Variants in FAM81A observed in about 807,000 individuals in gnomAD.
The protein encoded by FAM81A is family with sequence similarity 81 member A.
A neutral mutation model predicts 46.7 loss-of-function variants in FAM81A; 19 were observed. The ratio of observed to expected loss-of-function variants is 0.41; its 90% CI spans 0.28 to 0.60. The LOEUF is 0.60. FAM81A is among the 20% of genes least tolerant of loss of function. The pLI, the probability that FAM81A is intolerant of heterozygous loss-of-function variation, is 0.34. For missense variants in FAM81A, 377 were observed against 453.5 expected (o/e 0.83, Z 1.53); for synonymous variants, 183 against 152.9 (o/e 1.20, Z -1.45).
intron 7 of FAM81A, among the ~76,000 whole-genome samples, chr15:59,515,672 T>C (rs1286178014): frequency 6.6e-6 from 1 of 152,138 alleles, no homozygotes; most frequent in Non-Finnish European, 1.5e-5. Flanking sequence ...AATATGTTCT[T>C]TTAAGTATTT....
intron 3 of FAM81A, among the ~76,000 whole-genome samples, chr15:59,490,470 A>G (rs1378956220): frequency 6.6e-6 from 1 of 152,218 alleles, no homozygotes; most frequent in African/African-American, 2.4e-5. Context: ...AGACATAGAA[A>G]TGGCAAACAC....
rs544884944 is a variant in FAM81A at position 59,407,795 on chromosome 15, C to T, written c.-78+5437C>T. 85 of 234,204 alleles carry T rather than the reference C, an allele frequency of 3.6e-4. 1 individual carries two copies. The highest frequency in any genetic ancestry group is 1.9e-3 in the African/African-American group (82 of 42,556). 14.5% of individuals were successfully genotyped at this position (234,204 alleles called of 1,614,324 possible). On this transcript the variant is annotated intron_variant, in intron 2 of 4. Coordinates refer to the FAM81A transcript ENST00000558348. ...TCCCCTTTGCTGGCAGCTTTCTTCT[C>T]AGTCCAGGCCAGCAGCCTCTGCTTC...
chr15:59,421,981 A>G (rs1269018280), intron 2 of FAM81A, among the ~76,000 whole-genome samples: 6 of 152,118 alleles, frequency 3.9e-5, no homozygotes, highest in Non-Finnish European at 7.3e-5. Flanking sequence ...AAAGGAAAAG[A>G]AAGTTCATAT....
intron 1 of FAM81A, among the ~76,000 whole-genome samples, chr15:59,441,150 C>T (rs577189663): frequency 1.3e-5 from 2 of 152,234 alleles, no homozygotes; most frequent in Non-Finnish European, 2.9e-5. Flanking sequence ...ATTCTCTGGA[C>T]TTGATTCCTT....
chr15:59,459,843 T>G (rs1373316809), intron 2 of FAM81A, 90 bp from the exon 3 acceptor site: 3 of 1,444,428 alleles, frequency 2.1e-6, no homozygotes, highest in African/African-American at 1.4e-5. Flanking sequence ...TATAGATAAT[T>G]TGTATTTCCA....
intron 2 of FAM81A, 67 bp downstream of exon 2, chr15:59,458,713 T>C: frequency 6.9e-7 from 1 of 1,452,000 alleles, no homozygotes. Context: ...AAATCAAAGC[T>C]TGGGCTGTTA....
chr15:59,432,288 C>T lies in FAM81A; in HGVS notation c.-77-26262C>T, dbSNP rs1459803461. On this transcript the variant is annotated intron_variant, in intron 2 of 4. Transcript: ENST00000558348. ...TTATCTGGGTAAGTACACGAATCTT[C>T]ACTCCTTTGCTAGTGCAGACCTGAG... 2.4e-4 allele frequency among the ~76,000 whole-genome samples: 37 copies of T among 152,248 alleles called. 1 individual carries two copies. Among genetic ancestry groups the T allele is most frequent in the Admixed American group, 2.4e-3 (36 of 15,288 alleles).
chr15:59,440,976 G>C (rs74946525), intron 1 of FAM81A, among the ~76,000 whole-genome samples: 1 of 152,128 alleles, frequency 6.6e-6, no homozygotes, highest in Non-Finnish European at 1.5e-5. Context: ...GAAAATTTAC[G>C]TTGGCTCTAA....
intron 7 of FAM81A, 69 bp downstream of exon 7, chr15:59,514,493 A>T (rs534932798): frequency 4.0e-4 from 603 of 1,497,940 alleles, no homozygotes; most frequent in Non-Finnish European, 5.2e-4. Flanking sequence ...TTGAATAATA[A>T]TACCTAGTAA....
At chr15:59,520,848 G>C (rs1349149079) in intron 8 of FAM81A, among the ~76,000 whole-genome samples, 1 of 152,220 alleles carries the variant, frequency 6.6e-6, no homozygotes, top group Non-Finnish European at 1.5e-5. Context: ...ACTGGCATGA[G>C]CCACCGTACC....
intron 3 of FAM81A, among the ~76,000 whole-genome samples, chr15:59,461,349 A>T (rs2081548955): frequency 6.6e-6 from 1 of 152,126 alleles, no homozygotes; most frequent in African/African-American, 2.4e-5. Flanking sequence ...GCAGTTGTGC[A>T]ATCATGGCTC....
intron 3 of FAM81A, among the ~76,000 whole-genome samples, chr15:59,466,109 T>C (rs796484418): frequency 1.3e-5 from 2 of 152,380 alleles, no homozygotes; most frequent in African/African-American, 4.8e-5. Context: ...AGTCTATCAC[T>C]GATGGACATT....
chr15:59,508,006 T>G (rs2082167455), intron 5 of FAM81A, among the ~76,000 whole-genome samples: 1 of 152,242 alleles, frequency 6.6e-6, no homozygotes, highest in Non-Finnish European at 1.5e-5. Context: ...CTGGTTAACT[T>G]ACTGGATTAA....
intron 2 of FAM81A, chr15:59,408,050 C>T (rs770028753): frequency 1.0e-4 from 17 of 167,544 alleles, no homozygotes; most frequent in Middle Eastern, 2.7e-3. Context: ...GATTCTTAGG[C>T]CTTTTCTCCA....
At chr15:59,476,580 G>A (rs2081771732) in intron 3 of FAM81A, among the ~76,000 whole-genome samples, 1 of 152,194 alleles carries the variant, frequency 6.6e-6, no homozygotes. Flanking sequence ...GAGGTCAGGA[G>A]TTCGAGACCA....
intron 2 of FAM81A, among the ~76,000 whole-genome samples, chr15:59,431,733 C>A (rs2081221379): frequency 6.6e-6 from 1 of 152,196 alleles, no homozygotes; most frequent in South Asian, 2.1e-4. Flanking sequence ...CAAGCACATA[C>A]AGATAGTTTC....
chr15:59,475,326 GA>G (rs2081752795), intron 3 of FAM81A, among the ~76,000 whole-genome samples: 2 of 152,020 alleles, frequency 1.3e-5, no homozygotes, highest in African/African-American at 4.8e-5. Context: ...TATTTTTGTA[GA>G]GACAGGGTTT....
upstream of FAM81A, among the ~76,000 whole-genome samples, chr15:59,434,292 G>A (rs114886858): frequency 6.3e-3 from 962 of 152,244 alleles, 13 homozygotes; most frequent in African/African-American, 0.022. Flanking sequence ...TAAATATGCA[G>A]AGACTATTTT....
At chr15:59,458,105 G>A (rs1231723325) in intron 1 of FAM81A, among the ~76,000 whole-genome samples, 2 of 152,148 alleles carry the variant, frequency 1.3e-5, no homozygotes, top group African/African-American at 4.8e-5. Flanking sequence ...AGAAATAAGT[G>A]CTCTTCATTT....
Sources: allele counts gnomAD v4.1 joint callset (sites outside exome capture counted in the v4.1 genomes callset), GRCh38; gene constraint gnomAD v4.1.1; transcripts MANE v1.5; gene names NCBI Gene and HGNC (gene_info 2026-07-23, HGNC 2026-07-21).